Variants in SPINK5 observed in about 807,000 individuals in gnomAD.
The protein encoded by SPINK5 is serine protease inhibitor Kazal-type 5.
Under a neutral mutation model 151.8 loss-of-function variants are expected in SPINK5, and 125 were observed. The observed-to-expected ratio is 0.82, with a 90% CI of 0.71 to 0.96. SPINK5 has a LOEUF of 0.96. Among genes scored for constraint, SPINK5 ranks in the 40% least tolerant of loss-of-function variants. The probability of loss-of-function intolerance (pLI) is 0.00; values close to 1 mark genes in which losing one functional copy is unlikely to be tolerated. For missense variants in SPINK5, 1,194 were observed against 1,291.9 expected (o/e 0.92, Z 1.16); for synonymous variants, 374 against 395.3 (o/e 0.95, Z 0.64).
intron 26 of SPINK5, among the ~76,000 whole-genome samples, chr5:148,121,240 G>A (rs758518396): frequency 5.3e-5 from 8 of 150,656 alleles, no homozygotes; most frequent in Non-Finnish European, 1.0e-4. Flanking sequence ...GCCACCTAGT[G>A]TTCAGTTTTG....
At chr5:148,126,490 T>C (rs1024177135) in intron 29 of SPINK5, among the ~76,000 whole-genome samples, 1 of 152,224 alleles carries the variant, frequency 6.6e-6, no homozygotes, top group Non-Finnish European at 1.5e-5. Context: ...TGTTAAGTGA[T>C]GAAAGTTCTA....
At chr5:148,100,325 G>A in intron 12 of SPINK5, 129 bp from the exon 13 acceptor site, 2 of 1,044,166 alleles carry the variant, frequency 1.9e-6, no homozygotes, top group Non-Finnish European at 2.8e-6. Context: ...TTTTACATTT[G>A]AGAAAAACAC....
At chr5:148,125,010 T>C in intron 28 of SPINK5, 173 bp downstream of exon 28, 1 of 967,996 alleles carries the variant, frequency 1.0e-6, no homozygotes. Flanking sequence ...TTTGGGGGTT[T>C]GATACCTTTT....
Position 148,107,026 on chromosome 5 carries a change from T to A in SPINK5, c.1480-11T>A. On this transcript the variant is annotated splice_polypyrimidine_tract_variant and intron_variant, in intron 16 of 32. Transcript: ENST00000256084. Reference sequence around the variant, plus strand: ...AAACTACTCTGAGAAAATATTTTCTTCATTTCCCAGGAAATCTGCAGTGAA... The same window carrying A: ...AAACTACTCTGAGAAAATATTTTCTACATTTCCCAGGAAATCTGCAGTGAA... 6.2e-7 allele frequency: 1 copy of A among 1,611,482 alleles called. No homozygotes were observed. Among genetic ancestry groups the A allele is most frequent in the Middle Eastern group, 1.7e-4 (1 of 6,032 alleles).
intron 8 of SPINK5, among the ~76,000 whole-genome samples, chr5:148,092,763 T>C (rs1162428948): frequency 2.0e-5 from 3 of 151,956 alleles, no homozygotes; most frequent in Non-Finnish European, 4.4e-5. Flanking sequence ...CTTCTGCTTC[T>C]CTATTTCTAG....
chr5:148,086,569 G>A (rs73269187), intron 5 of SPINK5, 37 bp downstream of exon 5: 10 of 1,605,778 alleles, frequency 6.2e-6, no homozygotes, highest in Admixed American at 5.0e-5. Flanking sequence ...TCCCTAAAAC[G>A]TGTTCTCTCT....
At position 148,137,156 on chromosome 5, in the gene SPINK5, T is replaced by C; in HGVS notation, c.*165T>C. ...ACTCACTGATTTTCAGTCTTTTCCA[T>C]CTCTTTCCTCCTAGACTCTGTGATC... On this transcript the variant is annotated 3_prime_UTR_variant, in exon 33 of 33. Coordinates refer to ENST00000256084, the MANE Select transcript of SPINK5 (RefSeq NM_006846.4). 1 of 877,150 alleles carries C rather than the reference T, an allele frequency of 1.1e-6. No individual in the cohort carries two copies. The highest frequency in any genetic ancestry group is 1.8e-6 in the Non-Finnish European group (1 of 542,120). 54.3% of individuals were successfully genotyped at this position (877,150 alleles called of 1,614,324 possible). A position where few individuals can be genotyped will look rare whatever the true frequency, so the allele number is the denominator to read the frequency against.
intron 23 of SPINK5, 50 bp from the exon 24 acceptor site, chr5:148,118,936 C>T (rs746228174): frequency 1.3e-6 from 2 of 1,580,308 alleles, no homozygotes; most frequent in Non-Finnish European, 1.7e-6. Context: ...GTGCATAATC[C>T]AGGGTCAATA....
At chr5:148,111,338 C>T (rs1225087711) in intron 18 of SPINK5, among the ~76,000 whole-genome samples, 1 of 152,144 alleles carries the variant, frequency 6.6e-6, no homozygotes, top group Non-Finnish European at 1.5e-5. Context: ...TATGGCAATA[C>T]AGGATAATCT....
At position 148,137,072 on chromosome 5, in the gene SPINK5, G is replaced by T. The variant is rs1754713508; in HGVS notation, c.*81G>T. ...TACCTTCACCATCTGTATATACAAA[G>T]AATTCTTCGGAGCTTGTCTTATTTG... On this transcript the variant is annotated 3_prime_UTR_variant, in exon 33 of 33. Coordinates refer to ENST00000256084, the MANE Select transcript of SPINK5 (RefSeq NM_006846.4). The T allele has an allele frequency of 1.3e-6, 2 of 1,552,784 alleles. No homozygotes were observed. The highest frequency in any genetic ancestry group is 1.8e-6 in the Non-Finnish European group (2 of 1,125,264).
rs763634276 is a variant in SPINK5, at chr5:148,118,970, C to T, written c.2241-16C>T. On this transcript the variant is annotated splice_polypyrimidine_tract_variant and intron_variant, in intron 23 of 32. Transcript: ENST00000256084. ...TATTTGTTAACAAGATGAATATTCACTTTTTTCTCCTCCAGGGAAAGAGAA... is the reference window on the plus strand; with the variant it reads ...TATTTGTTAACAAGATGAATATTCATTTTTTTCTCCTCCAGGGAAAGAGAA... 6.2e-7 allele frequency: 1 copy of T among 1,613,186 alleles called. No homozygotes were observed. Among genetic ancestry groups the T allele is most frequent in the South Asian group, 1.1e-5 (1 of 91,040 alleles).
chr5:148,105,025 C>G, intron 16 of SPINK5, 25 bp downstream of exon 16: 1 of 1,610,318 alleles, frequency 6.2e-7, no homozygotes, highest in South Asian at 1.1e-5. Flanking sequence ...AATGCTGATG[C>G]TGTGCCCTGA....
intron 1 of SPINK5, 61 bp from the exon 2 acceptor site, chr5:148,065,286 T>C: frequency 1.9e-6 from 3 of 1,561,750 alleles, no homozygotes; most frequent in Non-Finnish European, 2.6e-6. Flanking sequence ...AATGGATTAT[T>C]TGTTTTGTTT....
At chr5:148,111,185 C>A (rs960698957) in intron 18 of SPINK5, among the ~76,000 whole-genome samples, 1 of 151,440 alleles carries the variant, frequency 6.6e-6, no homozygotes, top group Non-Finnish European at 1.5e-5. Context: ...TTCTTGGACC[C>A]CCCTTCTCTG....
chr5:148,101,750 A>C, intron 14 of SPINK5, 31 bp from the exon 15 acceptor site: 1 of 1,613,516 alleles, frequency 6.2e-7, no homozygotes, highest in Non-Finnish European at 8.5e-7. Flanking sequence ...CCTATGTTCA[A>C]CACTTTCAAC....
chr5:148,109,921 T>TATTA (rs1404184712), intron 18 of SPINK5, among the ~76,000 whole-genome samples: 1 of 152,342 alleles, frequency 6.6e-6, no homozygotes, highest in Non-Finnish European at 1.5e-5. Context: ...TCACATTTCC[T>TATTA]ATTATTCTAC....
In SPINK5 at chr5:148,123,774, T is replaced by C. The variant is rs541345569; in HGVS notation, c.2539-59T>C. 6.8e-6 allele frequency: 11 copies of C among 1,608,928 alleles called. No individual in the cohort carries two copies. In the South Asian group the frequency reaches 9.9e-5, roughly 15 times the overall value. ...GTTTATATCTAATCGGTCAATCATGTTATCAGGTTTGAAAGATTATACCAT... is the reference window on the plus strand; with the variant it reads ...GTTTATATCTAATCGGTCAATCATGCTATCAGGTTTGAAAGATTATACCAT... On this transcript the variant is annotated intron_variant, in intron 26 of 32. Coordinates refer to ENST00000256084, the MANE Select transcript of SPINK5 (RefSeq NM_006846.4).
chr5:148,085,783 C>G (rs1406825132), intron 4 of SPINK5, among the ~76,000 whole-genome samples: 1 of 151,782 alleles, frequency 6.6e-6, no homozygotes, highest in Admixed American at 6.6e-5. Context: ...TTGAAAATAA[C>G]AACAACAACA....
chr5:148,068,734 G>A (rs1016907635), intron 2 of SPINK5, among the ~76,000 whole-genome samples: 11 of 151,800 alleles, frequency 7.2e-5, no homozygotes, highest in Admixed American at 3.9e-4. Flanking sequence ...CAAGCAACTT[G>A]AAGCAGATTA....
Sources: gnomAD v4.1 joint callset for allele counts (sites outside exome capture counted in the v4.1 genomes callset) on GRCh38, gnomAD v4.1.1 for gene constraint, MANE v1.5 for transcripts, NCBI Gene and HGNC (gene_info 2026-07-23, HGNC 2026-07-21) for gene names.